Variants in EBF1 observed in about 807,000 individuals in gnomAD.
The protein encoded by EBF1 is EBF transcription factor 1.
EBF1 carries 10 observed loss-of-function variants against 68.4 expected under a neutral mutation model. The ratio of observed to expected loss-of-function variants is 0.15; its 90% CI spans 0.09 to 0.25. The LOEUF is 0.25. EBF1 is among the 10% of genes least tolerant of loss of function. The probability of loss-of-function intolerance (pLI) is 1.00; values close to 1 mark genes in which losing one functional copy is unlikely to be tolerated. For synonymous variants in EBF1, 298 were observed against 299.8 expected, an observed-to-expected ratio of 0.99 and a Z score of 0.06; for missense variants, 509 against 794.4, an observed-to-expected ratio of 0.64 and a Z score of 4.32.
intron 10 of EBF1, among the ~76,000 whole-genome samples, chr5:158,761,145 A>C (rs1771353079): frequency 6.6e-6 from 1 of 152,186 alleles, no homozygotes; most frequent in South Asian, 2.1e-4. Context: ...TTCATTCCTA[A>C]TGCTTTTTCT....
chr5:158,995,403 C>T (rs1204201978), intron 6 of EBF1, among the ~76,000 whole-genome samples: 1 of 152,162 alleles, frequency 6.6e-6, no homozygotes, highest in Non-Finnish European at 1.5e-5. Flanking sequence ...GGGGGACGCT[C>T]ATATGCTTGG....
intron 12 of EBF1, among the ~76,000 whole-genome samples, chr5:158,713,910 A>C (rs182718618): frequency 1.4e-3 from 207 of 152,382 alleles, no homozygotes; most frequent in Non-Finnish European, 2.5e-3. Flanking sequence ...ACCTTTTCTC[A>C]TACAGAAAAT....
chr5:158,701,545 G>A (rs1756774526), intron 15 of EBF1, among the ~76,000 whole-genome samples: 2 of 152,148 alleles, frequency 1.3e-5, no homozygotes, highest in African/African-American at 4.8e-5. Flanking sequence ...CATCCCAAGA[G>A]CCCAGGCTGC....
chr5:158,839,493 C>G (rs1479151078), intron 7 of EBF1, among the ~76,000 whole-genome samples: 1 of 152,126 alleles, frequency 6.6e-6, no homozygotes, highest in African/African-American at 2.4e-5. Context: ...AGTGATCTTC[C>G]TACCTTAGCC....
chr5:158,775,557 A>C (rs1463446731), intron 10 of EBF1, among the ~76,000 whole-genome samples: 2 of 152,118 alleles, frequency 1.3e-5, no homozygotes, highest in East Asian at 3.9e-4. Flanking sequence ...GTTTTCGGCC[A>C]AAAACAGAGT....
At chr5:158,747,825 C>T (rs1767931515) in intron 10 of EBF1, among the ~76,000 whole-genome samples, 1 of 152,172 alleles carries the variant, frequency 6.6e-6, no homozygotes, top group South Asian at 2.1e-4. Flanking sequence ...CAACTCTTTG[C>T]TGTCTCTGTG....
chr5:158,725,292 T>A (rs1466619138), intron 11 of EBF1, among the ~76,000 whole-genome samples: 3 of 152,188 alleles, frequency 2.0e-5, no homozygotes, highest in Non-Finnish European at 4.4e-5. Flanking sequence ...CCACAACCCC[T>A]CCTTCCCACC....
At chr5:158,989,183 G>A (rs1373991076) in intron 6 of EBF1, among the ~76,000 whole-genome samples, 1 of 152,144 alleles carries the variant, frequency 6.6e-6, no homozygotes, top group African/African-American at 2.4e-5. Context: ...CACAGCAGCT[G>A]GACAGCGACA....
intron 10 of EBF1, among the ~76,000 whole-genome samples, chr5:158,761,779 C>A (rs1771511572): frequency 6.6e-6 from 1 of 152,094 alleles, no homozygotes; most frequent in Non-Finnish European, 1.5e-5. Context: ...CTAATAAACT[C>A]ATTAAAAATT....
At chr5:158,909,797 C>T (rs188848104) in intron 6 of EBF1, among the ~76,000 whole-genome samples, 19 of 151,762 alleles carry the variant, frequency 1.3e-4, no homozygotes, top group South Asian at 1.3e-3. Context: ...ATTAGCTGGA[C>T]GTGGTGGCAC....
At chr5:158,782,041 G>T (rs1339519655) in intron 9 of EBF1, among the ~76,000 whole-genome samples, 2 of 152,120 alleles carry the variant, frequency 1.3e-5, no homozygotes, top group Non-Finnish European at 2.9e-5. Context: ...TTGGAGTAAA[G>T]GGCATGTGGA....
At chr5:159,028,115 C>A (rs1006328374) in intron 6 of EBF1, among the ~76,000 whole-genome samples, 3 of 152,060 alleles carry the variant, frequency 2.0e-5, no homozygotes, top group Admixed American at 6.6e-5. Flanking sequence ...TTGAACAATC[C>A]CAGCAGGCTC....
intron 6 of EBF1, among the ~76,000 whole-genome samples, chr5:159,053,603 T>TCACA (rs576102189): frequency 0.017 from 2,461 of 145,278 alleles, 28 homozygotes; most frequent in Non-Finnish European, 0.024. Context: ...TCTCTCTCTC[T>TCACA]CTCACACACA....
chr5:159,018,755 A>G (rs1450860311), intron 6 of EBF1, among the ~76,000 whole-genome samples: 1 of 152,240 alleles, frequency 6.6e-6, no homozygotes, highest in Non-Finnish European at 1.5e-5. Context: ...TCCATTTTAC[A>G]GGAACAGGAT....
intron 8 of EBF1, among the ~76,000 whole-genome samples, chr5:158,805,714 G>A (rs1294468767): frequency 6.6e-6 from 1 of 151,852 alleles, no homozygotes; most frequent in South Asian, 2.1e-4. Context: ...ATTGTAATAG[G>A]AGTTTACGTT....
intron 10 of EBF1, among the ~76,000 whole-genome samples, chr5:158,755,766 G>T (rs1329026276): frequency 1.3e-5 from 2 of 152,072 alleles, no homozygotes; most frequent in African/African-American, 4.8e-5. Context: ...ATGGAAAATG[G>T]TTGCCATGAT....
chr5:158,900,952 CA>C (rs1182886733), intron 6 of EBF1, among the ~76,000 whole-genome samples: 1 of 149,356 alleles, frequency 6.7e-6, no homozygotes, highest in African/African-American at 2.4e-5. Flanking sequence ...CTTTACTCTA[CA>C]AAAAACCTTA....
chr5:158,930,930 C>T (rs1315734759), intron 6 of EBF1, among the ~76,000 whole-genome samples: 1 of 151,994 alleles, frequency 6.6e-6, no homozygotes, highest in African/African-American at 2.4e-5. Context: ...AACTAAAAAG[C>T]TCTACAGTGT....
chr5:159,042,665 A>C (rs1347309494), intron 6 of EBF1, among the ~76,000 whole-genome samples: 2 of 151,998 alleles, frequency 1.3e-5, no homozygotes, highest in African/African-American at 4.8e-5. Context: ...TTAAAGCTTA[A>C]AATAATTACC....
Sources: allele counts gnomAD v4.1 joint callset (sites outside exome capture counted in the v4.1 genomes callset), GRCh38; gene constraint gnomAD v4.1.1; transcripts MANE v1.5; gene names NCBI Gene and HGNC (gene_info 2026-07-23, HGNC 2026-07-21).